ISX: variants seen among roughly 807,000 people sequenced by gnomAD.
The protein encoded by ISX is intestine specific homeobox.
ISX carries 15 observed loss-of-function variants against 16.9 expected under a neutral mutation model. That is an observed-to-expected ratio of 0.89 (90% CI 0.59 to 1.36). The LOEUF is 1.36. ISX is among the 40% of genes most tolerant of loss of function. The pLI is 0.00. For missense variants in ISX, 316 were observed against 306.1 expected (o/e 1.03, Z -0.24); for synonymous variants, 125 against 119.7 (o/e 1.04, Z -0.29).
Position 35,085,640 on chromosome 22 carries a change from A to G in ISX, c.685A>G (p.Ile229Val), listed in dbSNP as rs1306786221. ...TCAAACTTGCATCCCTGTGCTATGC[A>G]TCCTTCCACCTCCACACCCCAAATG... ...IHQTCIPVLC[I>V]LPPPHPKWGS... Residue 229 changes from isoleucine to valine, a missense_variant, in exon 5 of 5, where the codon ATC becomes GTC. Transcript: ENST00000404699. The G allele has an allele frequency of 6.2e-7, 1 of 1,614,232 alleles. No individual in the cohort carries two copies. Among genetic ancestry groups the G allele is most frequent in the East Asian group, 2.2e-5 (1 of 44,876 alleles).
chr22:35,085,962 G>T lies in ISX; in HGVS notation c.*269G>T. ...AGATCTCAGGCCGAGCTCTGAAATA[G>T]GGAGGTAATCCTCCAGCACCTGTGT... On this transcript the variant is annotated 3_prime_UTR_variant, in exon 5 of 5. Transcript: ENST00000404699. The T allele has an allele frequency of 2.0e-6, 1 of 509,062 alleles. No homozygotes were observed. The highest frequency in any genetic ancestry group is 3.6e-6 in the Non-Finnish European group (1 of 280,406). The allele number at this position is 509,062 out of a possible 1,614,324, so 31.5% of individuals were successfully genotyped here.
At chr22:35,071,825 G>T (rs1448787416) in intron 2 of ISX, among the ~76,000 whole-genome samples, 1 of 152,046 alleles carries the variant, frequency 6.6e-6, no homozygotes, top group Admixed American at 6.6e-5. Flanking sequence ...TTCCTTCCCT[G>T]TTCCTCACTT....
chr22:35,084,569 T>G (rs1487439229), intron 4 of ISX, 70 bp downstream of exon 4: 8 of 1,028,072 alleles, frequency 7.8e-6, no homozygotes, highest in Admixed American at 2.1e-5. Context: ...CAGACCCAGA[T>G]GTGAAGAAGC....
Position 35,086,524 on chromosome 22 carries a change from T to A in ISX, c.*831T>A, listed in dbSNP as rs771824817. Reference sequence around the variant, plus strand: ...ACCAGCTGGAAGACTAGCCTCACTCTGTCCTCGAAAGCCTGAGCTTTCATT... The same window carrying A: ...ACCAGCTGGAAGACTAGCCTCACTCAGTCCTCGAAAGCCTGAGCTTTCATT... On this transcript the variant is annotated 3_prime_UTR_variant, in exon 5 of 5. Transcript: ENST00000404699. 4 of 152,270 alleles carry A rather than the reference T, an allele frequency of 2.6e-5. No individual in the cohort carries two copies. Among genetic ancestry groups the A allele is most frequent in the African/African-American group, 4.8e-5 (2 of 41,456 alleles). The allele number at this position is 152,270 out of a possible 1,614,324, so 9.4% of individuals were successfully genotyped here. A position where few individuals can be genotyped will look rare whatever the true frequency, so the allele number is the denominator to read the frequency against.
In ISX at chr22:35,087,328, A is replaced by G. The variant is rs1385184874; in HGVS notation, c.*1635A>G. Reference sequence around the variant, plus strand: ...GTAGCTCATCACTTGGGTAGCAGGTACCCATTTTAGGACCCTACACTCAAA... The same window carrying G: ...GTAGCTCATCACTTGGGTAGCAGGTGCCCATTTTAGGACCCTACACTCAAA... On this transcript the variant is annotated 3_prime_UTR_variant, in exon 5 of 5. Transcript: ENST00000404699. The G allele has an allele frequency of 2.6e-5, 4 of 152,194 alleles. No homozygotes were observed. Among genetic ancestry groups the G allele is most frequent in the African/African-American group, 9.7e-5 (4 of 41,446 alleles). 9.4% of individuals were successfully genotyped at this position (152,194 alleles called of 1,614,324 possible). A position where few individuals can be genotyped will look rare whatever the true frequency, so the allele number is the denominator to read the frequency against.
chr22:35,069,391 C>T (rs1240590585), intron 2 of ISX, among the ~76,000 whole-genome samples: 1 of 152,120 alleles, frequency 6.6e-6, no homozygotes, highest in Non-Finnish European at 1.5e-5. Flanking sequence ...CAGATCTGGC[C>T]CCAGTGCACG....
chr22:35,085,794 A>G lies in ISX; in HGVS notation c.*101A>G. 4.0e-6 allele frequency: 6 copies of G among 1,494,376 alleles called. No homozygotes were observed. The highest frequency in any genetic ancestry group is 5.5e-6 in the Non-Finnish European group (6 of 1,085,732). 92.6% of individuals were successfully genotyped at this position (1,494,376 alleles called of 1,614,324 possible). On this transcript the variant is annotated 3_prime_UTR_variant, in exon 5 of 5. Coordinates refer to ENST00000404699, the MANE Select transcript of ISX (RefSeq NM_001303508.2). ...CTGGGGAAATCGATTTCACAATCCA[A>G]AAATGGCCCACAGCCCAGGAAGCTA...
In ISX at chr22:35,082,361, T is replaced by C. The variant is rs553546663; in HGVS notation, c.230-157T>C. Among the ~76,000 whole-genome samples, 4 of 152,258 alleles carry C rather than the reference T, an allele frequency of 2.6e-5. No homozygotes were observed. In the South Asian group the frequency reaches 8.3e-4, roughly 32 times the overall value. The stretch of plus-strand genomic sequence containing the variant: ...GGGTCGGTCTAGAGGCAGAGGATTT[T>C]AGGAAAGAGAATACTGTGAAGCTCC... On this transcript the variant is annotated intron_variant, in intron 2 of 4. Transcript: ENST00000404699.
Position 35,085,912 on chromosome 22 carries a change from C to G in ISX, c.*219C>G. On this transcript the variant is annotated 3_prime_UTR_variant, in exon 5 of 5. Transcript: ENST00000404699. ...CTTCTCTCCTGGCTAAAGCTGCTCT[C>G]CTGGTTCAGAAGACAGGCTGGATGA... The G allele has an allele frequency of 1.7e-6, 1 of 594,400 alleles. No individual in the cohort carries two copies. The highest frequency in any genetic ancestry group is 3.0e-6 in the Non-Finnish European group (1 of 337,498). The allele number at this position is 594,400 out of a possible 1,614,324, so 36.8% of individuals were successfully genotyped here.
At chr22:35,078,582 T>C (rs1029002349) in intron 2 of ISX, among the ~76,000 whole-genome samples, 1 of 152,172 alleles carries the variant, frequency 6.6e-6, no homozygotes, top group East Asian at 1.9e-4. Context: ...TAACTCACTC[T>C]AGTGGGGAGT....
intron 4 of ISX, among the ~76,000 whole-genome samples, chr22:35,085,218 A>G (rs1399001295): frequency 6.6e-6 from 1 of 152,166 alleles, no homozygotes; most frequent in African/African-American, 2.4e-5. Flanking sequence ...ACCAGGACTC[A>G]AGCCAGGTTT....
At chr22:35,078,773 G>A (rs1182209233) in intron 2 of ISX, among the ~76,000 whole-genome samples, 1 of 152,246 alleles carries the variant, frequency 6.6e-6, no homozygotes, top group African/African-American at 2.4e-5. Context: ...CGGGCCTGGT[G>A]GCTTCCCAGA....
intron 3 of ISX, 120 bp from the exon 4 acceptor site, chr22:35,084,263 A>G: frequency 1.5e-6 from 1 of 660,486 alleles, no homozygotes; most frequent in Non-Finnish European, 2.6e-6. Flanking sequence ...TGGATGCCAC[A>G]GAGCTTTACA....
Position 35,066,785 on chromosome 22 carries a change from A to C in ISX, c.-303A>C. The C allele has an allele frequency of 2.9e-6, 1 of 339,366 alleles. No individual in the cohort carries two copies. 21.0% of individuals were successfully genotyped at this position (339,366 alleles called of 1,614,324 possible). A position where few individuals can be genotyped will look rare whatever the true frequency, so the allele number is the denominator to read the frequency against. On this transcript the variant is annotated 5_prime_UTR_variant, in exon 2 of 5. Transcript: ENST00000404699. Reference sequence around the variant, plus strand: ...GCCTAACCTGGTGATTGTGCAGGCAACTGTGTCCGAGAAGACCCTTCTCTG... The same window carrying C: ...GCCTAACCTGGTGATTGTGCAGGCACCTGTGTCCGAGAAGACCCTTCTCTG...
intron 2 of ISX, among the ~76,000 whole-genome samples, chr22:35,078,637 A>G (rs1241040798): frequency 2.5e-5 from 3 of 121,550 alleles, no homozygotes; most frequent in Non-Finnish European, 6.0e-5. Context: ...AAGCTTCCAA[A>G]AATCCACAAT....
At chr22:35,076,157 A>G (rs62241661) in intron 2 of ISX, among the ~76,000 whole-genome samples, 6,865 of 152,250 alleles carry the variant, frequency 0.045, 230 homozygotes, top group South Asian at 0.1. Flanking sequence ...GACCTCATAA[A>G]GAAATATTTG....
At chr22:35,082,454 CA>C in intron 2 of ISX, 63 bp from the exon 3 acceptor site, 1 of 1,562,394 alleles carries the variant, frequency 6.4e-7, no homozygotes, top group African/African-American at 1.4e-5. Flanking sequence ...CAAGGCAACA[CA>C]AAAACCCCAC....
intron 2 of ISX, among the ~76,000 whole-genome samples, chr22:35,078,284 T>C (rs1929036350): frequency 6.6e-6 from 1 of 152,120 alleles, no homozygotes; most frequent in South Asian, 2.1e-4. Flanking sequence ...GCATGGCTTG[T>C]TCATTTTGTA....
rs751158163 is a variant in ISX, at chr22:35,067,054, C to T, written c.-34C>T. 17 of 1,563,382 alleles carry T rather than the reference C, an allele frequency of 1.1e-5. No individual in the cohort carries two copies. The highest frequency in any genetic ancestry group is 1.5e-5 in the Non-Finnish European group (17 of 1,139,104). On this transcript the variant is annotated 5_prime_UTR_variant, in exon 2 of 5. Transcript: ENST00000404699. ...TACGCCACTCTCCACTGGCACCCTC[C>T]TTGGCCTACACAGAGTCACCCCTGA...
Sources: gnomAD v4.1 joint callset for allele counts (sites outside exome capture counted in the v4.1 genomes callset) on GRCh38, gnomAD v4.1.1 for gene constraint, MANE v1.5 for transcripts, NCBI Gene and HGNC (gene_info 2026-07-23, HGNC 2026-07-21) for gene names.